The following CACNB2 variants were observed in gnomAD, a reference collection of about 807,000 sequenced individuals.
The protein encoded by CACNB2 is calcium voltage-gated channel auxiliary subunit beta 2.
Under a neutral mutation model 73.3 loss-of-function variants are expected in CACNB2, and 42 were observed. That is an observed-to-expected ratio of 0.57 (90% confidence interval 0.45 to 0.74). The LOEUF is 0.74. Ranked by LOEUF, CACNB2 falls within the 30% of genes least tolerant of loss-of-function variation. The pLI, the probability that CACNB2 is intolerant of heterozygous loss-of-function variation, is 0.00. For synonymous variants in CACNB2, 348 were observed against 310.3 expected, an observed-to-expected ratio of 1.12 and a Z score of -1.28; for missense variants, 940 against 853.0, an observed-to-expected ratio of 1.10 and a Z score of -1.27.
At position 18,458,164 on chromosome 10, in the gene CACNB2, C is replaced by T. The variant is rs920046572; in HGVS notation, c.334-40191C>T. ...GTATTTTAGACTATGCAAACATTTACGCTTGTTTGAAACTAAGTAATAAAA... is the reference window on the plus strand; with the variant it reads ...GTATTTTAGACTATGCAAACATTTATGCTTGTTTGAAACTAAGTAATAAAA... On this transcript the variant is annotated intron_variant, in intron 3 of 13. Transcript: ENST00000324631. Among the ~76,000 whole-genome samples the T allele has an allele frequency of 3.9e-5, 6 of 152,112 alleles. 1 individual carries two copies. Among genetic ancestry groups the T allele is most frequent in the South Asian group, 4.1e-4 (2 of 4,826 alleles).
chr10:18,170,054 G>T (rs2033121138), intron 2 of CACNB2, among the ~76,000 whole-genome samples: 1 of 152,222 alleles, frequency 6.6e-6, no homozygotes, highest in Non-Finnish European at 1.5e-5. Context: ...TCATACTGCA[G>T]TGCACCTCAT....
chr10:18,149,786 G>T (rs1352531267), intron 1 of CACNB2, among the ~76,000 whole-genome samples: 2 of 152,150 alleles, frequency 1.3e-5, no homozygotes, highest in Non-Finnish European at 2.9e-5. Context: ...CTTTAGTCCA[G>T]TTTGTTTCCA....
intron 2 of CACNB2, among the ~76,000 whole-genome samples, chr10:18,398,826 G>A (rs111259130): frequency 0.033 from 5,033 of 152,142 alleles, 288 homozygotes; most frequent in African/African-American, 0.11. Flanking sequence ...GTCACATCCT[G>A]TATTATAAAA....
chr10:18,500,971 T>TGTCAAGTTTTATATCAAG, intron 5 of CACNB2, 23 bp downstream of exon 5: 1 of 1,611,868 alleles, frequency 6.2e-7, no homozygotes, highest in Non-Finnish European at 8.5e-7. Flanking sequence ...TGTCAAGTGT[T>TGTCAAGTTTTATATCAAG]TGCATAAAAC....
intron 2 of CACNB2, among the ~76,000 whole-genome samples, chr10:18,258,933 A>G (rs1186220798): frequency 5.9e-5 from 9 of 151,832 alleles, no homozygotes; most frequent in Admixed American, 5.9e-4. Flanking sequence ...GCCAATTTAC[A>G]GTGTAATTCA....
chr10:18,541,207 T>G lies in CACNB2; in HGVS notation c.*1483T>G, dbSNP rs571110075. On this transcript the variant is annotated 3_prime_UTR_variant, in exon 14 of 14. Transcript: ENST00000324631. Reference sequence around the variant, plus strand: ...CACCGACTCCAGCAGGTTCACTGTCTGTCAGAACCCAGAAGTGCTTCTTAT... The same window carrying G: ...CACCGACTCCAGCAGGTTCACTGTCGGTCAGAACCCAGAAGTGCTTCTTAT... 2 of 152,762 alleles carry G rather than the reference T, an allele frequency of 1.3e-5. No individual in the cohort carries two copies. Among genetic ancestry groups the G allele is most frequent in the Non-Finnish European group, 2.9e-5 (2 of 68,050 alleles). 9.5% of individuals were successfully genotyped at this position (152,762 alleles called of 1,614,324 possible). A position where few individuals can be genotyped will look rare whatever the true frequency, so the allele number is the denominator to read the frequency against.
intron 3 of CACNB2, among the ~76,000 whole-genome samples, chr10:18,487,560 C>A (rs528540361): frequency 6.6e-6 from 1 of 152,052 alleles, no homozygotes; most frequent in Non-Finnish European, 1.5e-5. Flanking sequence ...TGTGGAGGGG[C>A]GCGGTGGCTC....
chr10:18,371,973 A>T (rs1464929879), intron 2 of CACNB2, among the ~76,000 whole-genome samples: 1 of 152,048 alleles, frequency 6.6e-6, no homozygotes, highest in African/African-American at 2.4e-5. Flanking sequence ...GCATTTTTTC[A>T]TGTGTCTTTT....
chr10:18,141,084 G>C (rs1365568949), intron 1 of CACNB2: 2 of 1,548,754 alleles, frequency 1.3e-6, no homozygotes, highest in African/African-American at 2.7e-5. Context: ...AGCCAGTGGG[G>C]AAGGGCGGGG....
chr10:18,464,422 A>AT (rs71402170), intron 3 of CACNB2, among the ~76,000 whole-genome samples: 23 of 131,004 alleles, frequency 1.8e-4, no homozygotes, highest in Non-Finnish European at 2.4e-4. Flanking sequence ...AAAAATTAAA[A>AT]AAAAAAAAAA....
chr10:18,275,671 A>G (rs1192957487), intron 2 of CACNB2, among the ~76,000 whole-genome samples: 1 of 152,210 alleles, frequency 6.6e-6, no homozygotes, highest in Non-Finnish European at 1.5e-5. Context: ...AGAAAGTTTC[A>G]TATTAAATGA....
chr10:18,141,203 C>G, intron 1 of CACNB2: 2 of 1,262,650 alleles, frequency 1.6e-6, no homozygotes, highest in Non-Finnish European at 2.2e-6. Flanking sequence ...GTGGACTGGA[C>G]CTGCTGAAGA....
At chr10:18,168,864 T>C (rs1185684854) in intron 2 of CACNB2, among the ~76,000 whole-genome samples, 1 of 152,212 alleles carries the variant, frequency 6.6e-6, no homozygotes, top group African/African-American at 2.4e-5. Context: ...TTCCTTGACA[T>C]AGGCCAATGA....
At chr10:18,488,538 C>G (rs980968102) in intron 3 of CACNB2, among the ~76,000 whole-genome samples, 1 of 150,056 alleles carries the variant, frequency 6.7e-6, no homozygotes, top group Non-Finnish European at 1.5e-5. Flanking sequence ...TTTCCTGAAC[C>G]TCGAGTTTTT....
intron 3 of CACNB2, 83 bp from the exon 4 acceptor site, chr10:18,498,272 A>T: frequency 6.6e-7 from 1 of 1,506,180 alleles, no homozygotes; most frequent in East Asian, 2.3e-5. Context: ...GTAGTTATTC[A>T]GTATGTCTTT....
intron 2 of CACNB2, among the ~76,000 whole-genome samples, chr10:18,274,120 A>G (rs1027996410): frequency 6.6e-6 from 1 of 152,214 alleles, no homozygotes; most frequent in Non-Finnish European, 1.5e-5. Flanking sequence ...TCCTGGGCGC[A>G]ATGGACTACA....
chr10:18,500,816 T>G lies in CACNB2; in HGVS notation c.461T>G (p.Phe154Cys). The G allele has an allele frequency of 6.2e-7, 1 of 1,613,962 alleles. No homozygotes were observed. The highest frequency in any genetic ancestry group is 1.1e-5 in the South Asian group (1 of 91,080). Reference protein sequence around the residue: ...AKDFLHVKEKFNNDWWIGRLV... With the variant: ...AKDFLHVKEKCNNDWWIGRLV... ...TGCTTTTGATTTTGTGTTTAGAAAT[T>G]TAACAATGACTGGTGGATAGGGCGA... Residue 154 changes from phenylalanine to cysteine, a missense_variant, in exon 5 of 14, where the codon TTT becomes TGT. Transcript: ENST00000324631.
intron 2 of CACNB2, among the ~76,000 whole-genome samples, chr10:18,305,525 T>G (rs1232025519): frequency 3.9e-5 from 6 of 152,250 alleles, no homozygotes; most frequent in Non-Finnish European, 8.8e-5. Context: ...TTTTGATTCC[T>G]AAGTCATGAA....
chr10:18,381,047 C>T (rs1274421518), intron 2 of CACNB2, among the ~76,000 whole-genome samples: 1 of 151,752 alleles, frequency 6.6e-6, no homozygotes, highest in East Asian at 1.9e-4. Flanking sequence ...ATGACAGCAG[C>T]AGGTGTTCTG....
Sources: allele counts gnomAD v4.1 joint callset (sites outside exome capture counted in the v4.1 genomes callset), GRCh38; gene constraint gnomAD v4.1.1; transcripts MANE v1.5; gene names NCBI Gene and HGNC (gene_info 2026-07-23, HGNC 2026-07-21).